The following LRRC69 variants were observed in gnomAD, a reference collection of about 807,000 sequenced individuals.
The protein encoded by LRRC69 is leucine rich repeat containing 69, also known as leucine-rich repeat-containing protein 69.
LRRC69 carries 42 observed loss-of-function variants against 37.8 expected under a neutral mutation model. That is an observed-to-expected ratio of 1.11 (90% CI 0.87 to 1.44). The LOEUF (loss-of-function observed/expected upper bound fraction) is 1.44, where lower values mean the gene tolerates loss of function less well. Among genes scored for constraint, LRRC69 ranks in the 40% most tolerant of loss-of-function variants. The pLI, the probability that LRRC69 is intolerant of heterozygous loss-of-function variation, is 0.00. For synonymous variants in LRRC69, 141 were observed against 143.1 expected (o/e 0.99, Z 0.11); for missense variants, 357 against 401.9 (o/e 0.89, Z 0.96).
At chr8:91,121,711 C>T (rs896850588) in intron 1 of LRRC69, among the ~76,000 whole-genome samples, 8 of 152,052 alleles carry the variant, frequency 5.3e-5, no homozygotes, top group Non-Finnish European at 1.2e-4. Flanking sequence ...TGCTTTCTTA[C>T]TGTGTAAGTG....
chr8:91,130,119 C>T (rs1337598864), intron 3 of LRRC69, among the ~76,000 whole-genome samples: 2 of 151,930 alleles, frequency 1.3e-5, no homozygotes, highest in Admixed American at 1.3e-4. Context: ...ATTCTGATTT[C>T]TGTGTTCTTT....
chr8:91,136,496 G>A (rs762074153), intron 5 of LRRC69, among the ~76,000 whole-genome samples: 17 of 151,866 alleles, frequency 1.1e-4, no homozygotes, highest in Non-Finnish European at 1.9e-4. Context: ...TTTTTAAATT[G>A]TGGCAAAATA....
chr8:91,215,670 A>G (rs1169639377), intron 7 of LRRC69, among the ~76,000 whole-genome samples: 1 of 152,210 alleles, frequency 6.6e-6, no homozygotes, highest in East Asian at 1.9e-4. Context: ...ATAATCACAG[A>G]CCAACTCCTT....
At chr8:91,195,471 A>G (rs1049125044) in intron 6 of LRRC69, among the ~76,000 whole-genome samples, 3 of 151,904 alleles carry the variant, frequency 2.0e-5, no homozygotes, top group South Asian at 2.1e-4. Flanking sequence ...ATTAATGTGT[A>G]GGAGTCTAAG....
At chr8:91,162,916 C>G (rs1387790628) in intron 5 of LRRC69, among the ~76,000 whole-genome samples, 1 of 151,128 alleles carries the variant, frequency 6.6e-6, no homozygotes, top group East Asian at 2.0e-4. Context: ...TCAAACCTAC[C>G]CATTAGATTA....
intron 5 of LRRC69, among the ~76,000 whole-genome samples, chr8:91,156,136 T>C (rs1419225522): frequency 6.6e-6 from 1 of 150,944 alleles, no homozygotes; most frequent in East Asian, 1.9e-4. Context: ...CTGTTTTTCA[T>C]AATGGATGTA....
In LRRC69 at chr8:91,209,192, C is replaced by T. The variant is rs368308691; in HGVS notation, c.933+8400C>T. Reference sequence around the variant, plus strand: ...CTGTAATCCCAGCATTCTGCGAGGCCGAGGCGGGCGGATCACCTGAGGTCA... The same window carrying T: ...CTGTAATCCCAGCATTCTGCGAGGCTGAGGCGGGCGGATCACCTGAGGTCA... On this transcript the variant is annotated intron_variant, in intron 7 of 7. Coordinates refer to ENST00000448384, the Ensembl canonical transcript of LRRC69. Among the ~76,000 whole-genome samples the T allele has an allele frequency of 2.6e-5, 4 of 152,152 alleles. No individual in the cohort carries two copies. The East Asian group carries it at 5.8e-4, about 22-fold the overall frequency.
intron 1 of LRRC69, among the ~76,000 whole-genome samples, chr8:91,110,336 A>G (rs890326739): frequency 3.3e-5 from 5 of 152,046 alleles, no homozygotes; most frequent in East Asian, 3.8e-4. Flanking sequence ...AATTTTTTTA[A>G]TACTTAAAAA....
chr8:91,109,302 G>A (rs57438891), intron 1 of LRRC69, among the ~76,000 whole-genome samples: 3 of 151,954 alleles, frequency 2.0e-5, no homozygotes, highest in Admixed American at 1.3e-4. Flanking sequence ...CACTAGTGAT[G>A]TGGAAAAACT....
At chr8:91,130,692 A>G (rs1171765548) in intron 3 of LRRC69, 2 of 152,206 alleles carry the variant, frequency 1.3e-5, no homozygotes, top group Non-Finnish European at 2.9e-5. Context: ...GAATTAAGCT[A>G]CAATAAACAT....
chr8:91,201,756 T>C (rs1809714816), intron 7 of LRRC69, among the ~76,000 whole-genome samples: 1 of 152,158 alleles, frequency 6.6e-6, no homozygotes, highest in African/African-American at 2.4e-5. Context: ...ACAGCTGCAG[T>C]TTCTGCCATT....
Position 91,145,413 on chromosome 8 carries a change from G to A in LRRC69, c.651+9674G>A, listed in dbSNP as rs181816633. On this transcript the variant is annotated intron_variant, in intron 5 of 7. Coordinates refer to ENST00000448384, the Ensembl canonical transcript of LRRC69. ...CTGCCTCTTTTGATTAGCAGCATTA[G>A]AGATCCACTTTATTCTTGTTCCCAT... 1.4e-4 allele frequency among the ~76,000 whole-genome samples: 22 copies of A among 152,000 alleles called. 1 individual carries two copies. The highest frequency in any genetic ancestry group is 1.4e-3 in the Admixed American group (22 of 15,216).
At chr8:91,169,600 C>T (rs1056413483) in intron 5 of LRRC69, among the ~76,000 whole-genome samples, 6 of 149,394 alleles carry the variant, frequency 4.0e-5, no homozygotes, top group Admixed American at 2.7e-4. Context: ...ATACATGTGC[C>T]ATGCTGGTGC....
At chr8:91,168,214 T>C (rs2130576647) in intron 5 of LRRC69, among the ~76,000 whole-genome samples, 1 of 152,040 alleles carries the variant, frequency 6.6e-6, no homozygotes, top group Admixed American at 6.6e-5. Context: ...GCTTACGACA[T>C]TGTAAGAATG....
At chr8:91,159,974 C>T (rs1808908556) in intron 5 of LRRC69, among the ~76,000 whole-genome samples, 1 of 145,420 alleles carries the variant, frequency 6.9e-6, no homozygotes, top group Middle Eastern at 3.4e-3. Context: ...AAAAACAAAA[C>T]AACAACAACA....
intron 6 of LRRC69, among the ~76,000 whole-genome samples, chr8:91,195,123 G>C (rs1475340624): frequency 6.6e-6 from 1 of 152,162 alleles, no homozygotes; most frequent in Non-Finnish European, 1.5e-5. Context: ...TTCAAGAGCA[G>C]GTTGTTCAGT....
intron 7 of LRRC69, among the ~76,000 whole-genome samples, chr8:91,216,076 C>T (rs1346191128): frequency 6.6e-6 from 1 of 151,960 alleles, no homozygotes; most frequent in Middle Eastern, 3.2e-3. Flanking sequence ...CAATTCATAG[C>T]CCTGAAAAAT....
intron 7 of LRRC69, among the ~76,000 whole-genome samples, chr8:91,211,041 ATCAGATTTC>A (rs1809905595): frequency 1.3e-5 from 2 of 152,286 alleles, no homozygotes; most frequent in South Asian, 4.1e-4. Context: ...ATGAACTGAC[ATCAGATTTC>A]TCAGTGACAG....
chr8:91,122,551 C>T (rs563340730), intron 1 of LRRC69, among the ~76,000 whole-genome samples: 8 of 152,138 alleles, frequency 5.3e-5, no homozygotes, highest in African/African-American at 1.9e-4. Context: ...AGTAAACGGT[C>T]CCTTGTATCT....
Sources: gnomAD v4.1 joint callset for allele counts (sites outside exome capture counted in the v4.1 genomes callset) on GRCh38, gnomAD v4.1.1 for gene constraint, MANE v1.5 for transcripts, NCBI Gene and HGNC (gene_info 2026-07-23, HGNC 2026-07-21) for gene names.